Variants in STK32B observed in about 807,000 individuals in gnomAD.
STK32B encodes serine/threonine kinase 32B.
Under a neutral mutation model 52.6 loss-of-function variants are expected in STK32B, and 43 were observed. The ratio of observed to expected loss-of-function variants is 0.82; its 90% CI spans 0.64 to 1.05. The LOEUF (loss-of-function observed/expected upper bound fraction) is 1.05, where lower values mean the gene tolerates loss of function less well. Among genes scored for constraint, STK32B ranks in the 50% least tolerant of loss-of-function variants. The pLI is 0.00. For synonymous variants in STK32B, 238 were observed against 204.3 expected (o/e 1.17, Z -1.41); for missense variants, 621 against 534.6 (o/e 1.16, Z -1.59).
intron 4 of STK32B, among the ~76,000 whole-genome samples, chr4:5,360,441 C>T (rs1734471671): frequency 6.6e-6 from 1 of 152,094 alleles, no homozygotes; most frequent in Non-Finnish European, 1.5e-5. Flanking sequence ...TGTCACTGGA[C>T]CAGCCAGAGG....
Position 5,460,890 on chromosome 4 carries a change from C to T in STK32B, c.909+662C>T, listed in dbSNP as rs376320151. Among the ~76,000 whole-genome samples the T allele has an allele frequency of 1.3e-5, 2 of 152,168 alleles. No individual in the cohort carries two copies. Among genetic ancestry groups the T allele is most frequent in the Non-Finnish European group, 2.9e-5 (2 of 68,026 alleles). ...ACACCAAAAAGGCTTCCAGAGGCCA[C>T]GGTCAAAGTTTTAGGTTTTGTCCCC... is the stretch of plus-strand genomic sequence containing the variant. On this transcript the variant is annotated intron_variant, in intron 9 of 11. Transcript: ENST00000282908. The surrounding 1 kb of genome is among the most constrained non-coding windows in gnomAD (Gnocchi z 4.8).
intron 1 of STK32B, among the ~76,000 whole-genome samples, chr4:5,113,179 C>T (rs1466413357): frequency 5.9e-5 from 9 of 152,050 alleles, no homozygotes; most frequent in Admixed American, 3.9e-4. Context: ...GGAAACCTCA[C>T]GAATGGGATT....
intron 1 of STK32B, among the ~76,000 whole-genome samples, chr4:5,054,057 T>A (rs972788438): frequency 2.0e-5 from 3 of 152,124 alleles, no homozygotes; most frequent in Admixed American, 6.5e-5. Context: ...CCCAGCCCAG[T>A]GAAACATTAA....
At chr4:5,250,405 C>T (rs1211630029) in intron 3 of STK32B, among the ~76,000 whole-genome samples, 6 of 151,238 alleles carry the variant, frequency 4.0e-5, no homozygotes, top group African/African-American at 7.3e-5. Flanking sequence ...CTCCGCCTCC[C>T]GGCTTCAAGA....
At chr4:5,094,250 A>G (rs1168297779) in intron 1 of STK32B, among the ~76,000 whole-genome samples, 2 of 152,250 alleles carry the variant, frequency 1.3e-5, no homozygotes, top group Admixed American at 6.5e-5. Context: ...TAAGGCCAGC[A>G]AAGAATGGTT....
chr4:5,159,573 A>G (rs1462084431), intron 2 of STK32B, among the ~76,000 whole-genome samples: 1 of 33,606 alleles, frequency 3.0e-5, no homozygotes, highest in Non-Finnish European at 5.4e-5. Context: ...ATGAATATAT[A>G]TGAATATATA....
Position 5,262,353 on chromosome 4 carries a change from G to A in STK32B, c.261-68867G>A, listed in dbSNP as rs534014119. Among the ~76,000 whole-genome samples, 22 of 152,032 alleles carry A rather than the reference G, an allele frequency of 1.4e-4. 1 individual carries two copies. The highest frequency in any genetic ancestry group is 3.6e-4 in the African/African-American group (15 of 41,472). On this transcript the variant is annotated intron_variant, in intron 3 of 11. Coordinates refer to ENST00000282908, the MANE Select transcript of STK32B (RefSeq NM_018401.3). ...TTAAAAATGGCAGTGTGTGCCGGGC[G>A]CAGTGGCTCACACCTGTAATCCCAG...
intron 4 of STK32B, among the ~76,000 whole-genome samples, chr4:5,392,280 G>A (rs1425429631): frequency 6.6e-6 from 1 of 152,048 alleles, no homozygotes; most frequent in Non-Finnish European, 1.5e-5. Context: ...ACAAAATTTA[G>A]TCAGGTGTGG....
Position 5,051,839 on chromosome 4 carries a change from G to A in STK32B, c.-25G>A, listed in dbSNP as rs1741796556. 1.3e-6 allele frequency: 2 copies of A among 1,588,410 alleles called. No individual in the cohort carries two copies. Among genetic ancestry groups the A allele is most frequent in the African/African-American group, 1.4e-5 (1 of 74,008 alleles). On this transcript the variant is annotated 5_prime_UTR_variant, in exon 1 of 12. It removes an upstream start codon present in the reference 5' UTR. Coordinates refer to ENST00000282908, the MANE Select transcript of STK32B (RefSeq NM_018401.3). ...ATCCGGCATCCCAGCGGCCGGGCAT[G>A]TAGCAGCGGCAGCAACGGCGGAATA... is the stretch of plus-strand genomic sequence containing the variant.
chr4:5,076,371 C>T (rs967893199), intron 1 of STK32B, among the ~76,000 whole-genome samples: 2 of 152,134 alleles, frequency 1.3e-5, no homozygotes, highest in South Asian at 4.1e-4. Context: ...GGGCATTTAG[C>T]TTATTCCTAG....
chr4:5,129,584 T>C (rs1009132057), intron 1 of STK32B, among the ~76,000 whole-genome samples: 1 of 152,206 alleles, frequency 6.6e-6, no homozygotes, highest in Non-Finnish European at 1.5e-5. Flanking sequence ...CTAAGAATAA[T>C]TTTGTCAATT....
chr4:5,458,016 G>A (rs976250871), intron 8 of STK32B, among the ~76,000 whole-genome samples: 3 of 152,186 alleles, frequency 2.0e-5, no homozygotes, highest in Non-Finnish European at 4.4e-5. Context: ...TGCAGGAACT[G>A]TTGCTATTAG....
rs557446952 is a variant in STK32B, at chr4:5,297,463, GCTTTTCATT to G, written c.261-33742_261-33734del. On this transcript the variant is annotated intron_variant, in intron 3 of 11. Coordinates refer to ENST00000282908, the MANE Select transcript of STK32B (RefSeq NM_018401.3). Reference sequence around the variant, plus strand: ...TTACATAGTCACATATTTCTTGGTGGCTTTTCATTCTTTTCATTCTTTTTTCTCTAATCT... The same window carrying G: ...TTACATAGTCACATATTTCTTGGTGGCTTTTCATTCTTTTTTCTCTAATCT... Among the ~76,000 whole-genome samples the G allele has an allele frequency of 3.7e-3, 556 of 151,576 alleles. 2 individuals are homozygous for G. Among genetic ancestry groups the G allele is most frequent in the African/African-American group, 0.012 (497 of 41,356 alleles).
chr4:5,339,032 T>G lies in STK32B; in HGVS notation c.434+7639T>G, dbSNP rs576920786. Among the ~76,000 whole-genome samples the G allele has an allele frequency of 2.5e-4, 38 of 152,268 alleles. 1 individual carries two copies. The South Asian group carries it at 3.5e-3, about 14-fold the overall frequency. On this transcript the variant is annotated intron_variant, in intron 4 of 11. Coordinates refer to ENST00000282908, the MANE Select transcript of STK32B (RefSeq NM_018401.3). ...GATTCCTCTGAGGGCCTGAATAGAA[T>G]GAAAAATTAGAGCCATTCACTCTTT...
chr4:5,025,680 C>T, the STK32B span, among the ~76,000 whole-genome samples: 2 of 152,186 alleles, frequency 1.3e-5, no homozygotes, highest in African/African-American at 2.4e-5. Context: ...TCCCATTTCT[C>T]TACAAGTGTT....
chr4:5,127,961 A>G (rs1021808543), intron 1 of STK32B, among the ~76,000 whole-genome samples: 1 of 152,176 alleles, frequency 6.6e-6, no homozygotes, highest in Non-Finnish European at 1.5e-5. Flanking sequence ...ATAAGATGTG[A>G]CTTTGCTCCT....
At chr4:5,085,553 C>T (rs2108778796) in intron 1 of STK32B, among the ~76,000 whole-genome samples, 1 of 152,316 alleles carries the variant, frequency 6.6e-6, no homozygotes, top group South Asian at 2.1e-4. Flanking sequence ...CACCCTGTAA[C>T]ATGCAGGTGC....
rs145391654 is a variant in STK32B, at chr4:5,367,733, T to G, written c.435-30474T>G. On this transcript the variant is annotated intron_variant, in intron 4 of 11. Coordinates refer to ENST00000282908, the MANE Select transcript of STK32B (RefSeq NM_018401.3). The stretch of plus-strand genomic sequence containing the variant: ...CTATTTAAATAAAATAGTCTTTATT[T>G]TTATTGTATCCTTTCCCGTTTGTGC... Among the ~76,000 whole-genome samples, 681 of 152,328 alleles carry G rather than the reference T, an allele frequency of 4.5e-3. 4 individuals are homozygous for G. Among genetic ancestry groups the G allele is most frequent in the African/African-American group, 0.015 (621 of 41,566 alleles).
At chr4:5,225,646 C>G (rs1183733484) in intron 3 of STK32B, among the ~76,000 whole-genome samples, 1 of 152,086 alleles carries the variant, frequency 6.6e-6, no homozygotes, top group African/African-American at 2.4e-5. Context: ...ATTTTCACAG[C>G]ATTTAGCCAG....
Sources: gnomAD v4.1 joint callset for allele counts (sites outside exome capture counted in the v4.1 genomes callset) on GRCh38, gnomAD v4.1.1 for gene constraint, Gnocchi (gnomAD v3.1) non-coding constraint, MANE v1.5 for transcripts, NCBI Gene and HGNC (gene_info 2026-07-23, HGNC 2026-07-21) for gene names.